Variants in BSN observed in about 807,000 individuals in gnomAD.
BSN encodes protein bassoon.
Under a neutral mutation model 264.8 loss-of-function variants are expected in BSN, and 57 were observed. The ratio of observed to expected loss-of-function variants is 0.22; its 90% confidence interval spans 0.17 to 0.27. BSN has a LOEUF of 0.27. Ranked by LOEUF, BSN falls within the 10% of genes least tolerant of loss-of-function variation. The pLI is 1.00. For synonymous variants in BSN, 2,059 were observed against 2,137.3 expected, an observed-to-expected ratio of 0.96 and a Z score of 1.01; for missense variants, 4,615 against 5,232.5, an observed-to-expected ratio of 0.88 and a Z score of 3.64.
chr3:49,574,537 G>A (rs1465991274), intron 1 of BSN, among the ~76,000 whole-genome samples: 2 of 151,924 alleles, frequency 1.3e-5, no homozygotes, highest in African/African-American at 4.8e-5. Flanking sequence ...GGGTTCAAGC[G>A]AGTCTCCTGC....
intron 1 of BSN, among the ~76,000 whole-genome samples, chr3:49,598,106 C>A (rs1362464897): frequency 6.6e-6 from 1 of 152,076 alleles, no homozygotes; most frequent in East Asian, 1.9e-4. Context: ...GCTTTGAAGT[C>A]TTTGCTGAGT....
At chr3:49,574,146 T>TTTC (rs1445858962) in intron 1 of BSN, among the ~76,000 whole-genome samples, 1 of 150,584 alleles carries the variant, frequency 6.6e-6, no homozygotes, top group African/African-American at 2.4e-5. Context: ...TTTTTTTTTT[T>TTTC]TTGTAGAGAT....
In BSN at chr3:49,590,132, C is replaced by T. The variant is rs146369830; in HGVS notation, c.225-34843C>T. On this transcript the variant is annotated intron_variant, in intron 1 of 11. Transcript: ENST00000296452. ...ATTACAGGTGTGAACCACCACGCCC[C>T]GCCAAATCTTCATTTTCAATAACAT... Among the ~76,000 whole-genome samples the T allele has an allele frequency of 1.2e-4, 19 of 152,210 alleles. No homozygotes were observed. In the East Asian group the frequency reaches 2.1e-3, roughly 17 times the overall value.
chr3:49,624,648 A>G (rs1484594532), intron 1 of BSN, among the ~76,000 whole-genome samples: 2 of 152,184 alleles, frequency 1.3e-5, no homozygotes, highest in Non-Finnish European at 1.5e-5. Flanking sequence ...TATTCAAAGC[A>G]TGGGCCTCAG....
chr3:49,577,727 A>T (rs1257865566), intron 1 of BSN, among the ~76,000 whole-genome samples: 2 of 151,360 alleles, frequency 1.3e-5, no homozygotes, highest in African/African-American at 4.9e-5. Flanking sequence ...TTTAGTAGAG[A>T]TGGGGTTTTA....
intron 1 of BSN, among the ~76,000 whole-genome samples, chr3:49,596,442 G>C (rs563644836): frequency 2.0e-5 from 3 of 152,234 alleles, no homozygotes; most frequent in Non-Finnish European, 4.4e-5. Context: ...TAGTTTTTTT[G>C]TATGTGCTCT....
chr3:49,617,507 C>T (rs1443598928), intron 1 of BSN, among the ~76,000 whole-genome samples: 1 of 151,900 alleles, frequency 6.6e-6, no homozygotes, highest in Non-Finnish European at 1.5e-5. Context: ...CTGGGAGGAG[C>T]AGTGGCCTCA....
chr3:49,594,387 A>G (rs752590458), intron 1 of BSN, among the ~76,000 whole-genome samples: 5 of 152,244 alleles, frequency 3.3e-5, no homozygotes, highest in Admixed American at 6.5e-5. Context: ...TTTAAAACAA[A>G]TATGGATATC....
chr3:49,613,337 A>AGAGAGAGAGAGAGG (rs1575437903), intron 1 of BSN, among the ~76,000 whole-genome samples: 1 of 150,302 alleles, frequency 6.7e-6, no homozygotes, highest in Non-Finnish European at 1.5e-5. Flanking sequence ...AGAGAGAGAG[A>AGAGAGAGAGAGAGG]GAGAGAGAGA....
Position 49,662,219 on chromosome 3 carries a change from C to G in BSN, c.10374C>G (p.Asp3458Glu), listed in dbSNP as rs747314177. 6.2e-7 allele frequency: 1 copy of G among 1,613,682 alleles called. No homozygotes were observed. Among genetic ancestry groups the G allele is most frequent in the Admixed American group, 1.7e-5 (1 of 60,030 alleles). Residue 3458 changes from aspartate (D) to glutamate (E), a missense_variant, in exon 6 of 12, where the codon GAC becomes GAG. Physicochemically the swap from Asp to Glu is conservative, Grantham distance 45. This residue lies in a region of BSN where 3,415 missense variants were observed against 3,866.4 expected (regional missense o/e 0.88). Coordinates refer to ENST00000296452, the MANE Select transcript of BSN (RefSeq NM_003458.4). ...AYSGEKLSSH[D>E]FSGWGKGYER... ...GTGGGGAGAAGCTGTCCAGCCACGA[C>G]TTCAGTGGCTGGGGCAAGGGGTACG... is the stretch of plus-strand genomic sequence containing the variant.
At chr3:49,647,143 T>A (rs1274945826) in intron 3 of BSN, among the ~76,000 whole-genome samples, 1 of 152,124 alleles carries the variant, frequency 6.6e-6, no homozygotes, top group East Asian at 1.9e-4. Flanking sequence ...GCTCCACACA[T>A]GAAGAGATTA....
Position 49,668,410 on chromosome 3 carries a change from G to A in BSN, c.*925G>A, listed in dbSNP as rs549493091. ...TATACCTCATAAACATTTTTCTTTT[G>A]TTTCTCTCTCCCCCTTTCTCTCTTC... is the stretch of plus-strand genomic sequence containing the variant. On this transcript the variant is annotated 3_prime_UTR_variant, in exon 12 of 12. Transcript: ENST00000296452. 3.9e-5 allele frequency: 6 copies of A among 152,680 alleles called. No homozygotes were observed. The highest frequency in any genetic ancestry group is 8.8e-5 in the Non-Finnish European group (6 of 68,022). 9.5% of individuals were successfully genotyped at this position (152,680 alleles called of 1,614,324 possible). A position where few individuals can be genotyped will look rare whatever the true frequency, so the allele number is the denominator to read the frequency against.
intron 2 of BSN, among the ~76,000 whole-genome samples, chr3:49,631,531 C>A (rs2052383973): frequency 7.0e-6 from 1 of 143,440 alleles, no homozygotes; most frequent in South Asian, 2.2e-4. Flanking sequence ...GCCCTCCAGC[C>A]AGGGTGACAG....
chr3:49,589,722 G>A (rs1427080748), intron 1 of BSN, among the ~76,000 whole-genome samples: 1 of 151,436 alleles, frequency 6.6e-6, no homozygotes, highest in African/African-American at 2.4e-5. Flanking sequence ...ACCCAGGGTG[G>A]TCTCAATCTC....
intron 1 of BSN, among the ~76,000 whole-genome samples, chr3:49,565,877 A>G (rs2051748584): frequency 6.6e-6 from 1 of 152,126 alleles, no homozygotes; most frequent in South Asian, 2.1e-4. Context: ...GCTAGAGTGC[A>G]GCGGCGCCAT....
chr3:49,579,154 ATT>A (rs111577896), intron 1 of BSN, among the ~76,000 whole-genome samples: 26 of 141,628 alleles, frequency 1.8e-4, no homozygotes, highest in Admixed American at 2.1e-4. Context: ...TGCCTGGCTA[ATT>A]TTTTTTTTTT....
intron 1 of BSN, among the ~76,000 whole-genome samples, chr3:49,606,517 A>G (rs2052153808): frequency 1.3e-5 from 2 of 151,220 alleles, no homozygotes; most frequent in East Asian, 2.0e-4. Context: ...GGCAAGTCCT[A>G]TGAATTGAGT....
chr3:49,673,087 C>CTTTTTTTTTTTTTTTTTTTTTTTT (rs71080543), downstream of BSN, among the ~76,000 whole-genome samples: 33 of 43,212 alleles, frequency 7.6e-4, 6 homozygotes, highest in Non-Finnish European at 1.1e-3. Flanking sequence ...CCGGCCGGGA[C>CTTTTTTTTTTTTTTTTTTTTTTTT]TTTTTTTTTT....
At chr3:49,581,433 C>T (rs2051894859) in intron 1 of BSN, among the ~76,000 whole-genome samples, 1 of 152,166 alleles carries the variant, frequency 6.6e-6, no homozygotes, top group Non-Finnish European at 1.5e-5. Context: ...GCTTTTATTA[C>T]AGTATATTGT....
Sources: allele counts gnomAD v4.1 joint callset (sites outside exome capture counted in the v4.1 genomes callset), GRCh38; gene constraint gnomAD v4.1.1; regional missense constraint gnomAD v4.1.1; transcripts MANE v1.5; gene names NCBI Gene and HGNC (gene_info 2026-07-23, HGNC 2026-07-21).